MCTP2: variants seen among roughly 807,000 people sequenced by gnomAD.
MCTP2 encodes the protein multiple C2 and transmembrane domain-containing protein 2.
A neutral mutation model predicts 111.6 loss-of-function variants in MCTP2; 132 were observed. The ratio of observed to expected loss-of-function variants is 1.18; its 90% confidence interval spans 1.03 to 1.37. MCTP2 has a LOEUF of 1.37. Among genes scored for constraint, MCTP2 ranks in the 40% most tolerant of loss-of-function variants. The pLI, the probability that MCTP2 is intolerant of heterozygous loss-of-function variation, is 0.00. For missense variants in MCTP2, 1,183 were observed against 1,067.9 expected, an observed-to-expected ratio of 1.11 and a Z score of -1.50; for synonymous variants, 395 against 387.7, an observed-to-expected ratio of 1.02 and a Z score of -0.22.
intron 8 of MCTP2, among the ~76,000 whole-genome samples, chr15:94,349,193 TTCC>T (rs2078162107): frequency 6.6e-6 from 1 of 152,154 alleles, no homozygotes; most frequent in Admixed American, 6.5e-5. Flanking sequence ...TCTAGAGGCT[TTCC>T]TCCTCCCTGG....
At chr15:94,455,741 A>T (rs1334984412) in intron 19 of MCTP2, among the ~76,000 whole-genome samples, 1 of 152,216 alleles carries the variant, frequency 6.6e-6, no homozygotes, top group Non-Finnish European at 1.5e-5. Flanking sequence ...AGTATTATTA[A>T]AAGTATAGTC....
chr15:94,423,552 A>G (rs1460744471), intron 17 of MCTP2, among the ~76,000 whole-genome samples: 1 of 152,250 alleles, frequency 6.6e-6, no homozygotes, highest in Non-Finnish European at 1.5e-5. Flanking sequence ...TTATTTAAAA[A>G]GAAATGTTCC....
intron 1 of MCTP2, among the ~76,000 whole-genome samples, chr15:94,288,762 C>CA (rs1346621592): frequency 6.6e-6 from 1 of 152,092 alleles, no homozygotes; most frequent in Non-Finnish European, 1.5e-5. Context: ...AATGAATAAT[C>CA]ATGAGTCTTG....
intron 1 of MCTP2, among the ~76,000 whole-genome samples, chr15:94,245,456 GTATT>G (rs1421662298): frequency 9.1e-4 from 123 of 135,382 alleles, no homozygotes; most frequent in African/African-American, 3.3e-3. Context: ...ATATGTATAT[GTATT>G]TATATACATA....
intron 17 of MCTP2, among the ~76,000 whole-genome samples, chr15:94,438,652 A>G (rs559890404): frequency 7.3e-4 from 111 of 152,278 alleles, no homozygotes; most frequent in African/African-American, 2.4e-3. Context: ...ACCATTCTTG[A>G]TCTTAAAAAT....
intron 17 of MCTP2, among the ~76,000 whole-genome samples, chr15:94,422,003 T>G (rs180745000): frequency 6.6e-6 from 1 of 152,236 alleles, no homozygotes; most frequent in East Asian, 1.9e-4. Flanking sequence ...AGGCTTAAAT[T>G]TGGGAAAAGG....
At chr15:94,316,336 G>A (rs906118856) in intron 4 of MCTP2, among the ~76,000 whole-genome samples, 2 of 152,084 alleles carry the variant, frequency 1.3e-5, no homozygotes, top group Non-Finnish European at 2.9e-5. Context: ...TATAAATGAT[G>A]CTGTAATGAA....
chr15:94,419,784 T>C (rs1159034289), intron 17 of MCTP2, among the ~76,000 whole-genome samples: 2 of 151,936 alleles, frequency 1.3e-5, no homozygotes, highest in African/African-American at 2.4e-5. Context: ...AATCGAAAAT[T>C]TGTGCAAACC....
chr15:94,355,653 G>C (rs2078580768), intron 8 of MCTP2, among the ~76,000 whole-genome samples: 1 of 152,154 alleles, frequency 6.6e-6, no homozygotes, highest in South Asian at 2.1e-4. Flanking sequence ...ATGGTATAGG[G>C]CTTTTGGTAG....
rs772202306 is a variant in MCTP2 at position 94,385,473 on chromosome 15, A to G, written c.1736A>G (p.Asp579Gly). Residue 579 changes from aspartate (D) to glycine (G), a missense_variant, in exon 14 of 23, where the codon GAT becomes GGT. Physicochemically the swap from Asp to Gly is moderately conservative, Grantham distance 94. Transcript: ENST00000357742. ...TTGGAAGTGACAGTGTTTGATGAAG[A>G]TGGAGATAAACCCCCAGATTTTCTT... ...DVLEVTVFDE[D>G]GDKPPDFLGK... 3 of 1,613,610 alleles carry G rather than the reference A, an allele frequency of 1.9e-6. No individual in the cohort carries two copies. The highest frequency in any genetic ancestry group is 1.7e-6 in the Non-Finnish European group (2 of 1,179,718).
intron 1 of MCTP2, among the ~76,000 whole-genome samples, chr15:94,285,786 GAC>G (rs1476844538): frequency 6.6e-6 from 1 of 152,136 alleles, no homozygotes; most frequent in African/African-American, 2.4e-5. Flanking sequence ...CTTTTCAAAT[GAC>G]TGAGATTTCT....
intron 1 of MCTP2, among the ~76,000 whole-genome samples, chr15:94,244,949 C>A (rs892070187): frequency 6.0e-5 from 7 of 116,456 alleles, no homozygotes; most frequent in African/African-American, 2.0e-4. Flanking sequence ...TACATATGCA[C>A]CTGTTTATAT....
At chr15:94,266,905 G>T (rs2073568565) in intron 1 of MCTP2, among the ~76,000 whole-genome samples, 1 of 152,196 alleles carries the variant, frequency 6.6e-6, no homozygotes, top group Non-Finnish European at 1.5e-5. Flanking sequence ...GAGGGACTTG[G>T]AAGACATTTA....
At chr15:94,413,008 GT>G (rs2152486942) in intron 17 of MCTP2, among the ~76,000 whole-genome samples, 1 of 152,166 alleles carries the variant, frequency 6.6e-6, no homozygotes, top group East Asian at 1.9e-4. Flanking sequence ...TAATCTACAT[GT>G]TTTCAAAAAA....
intron 1 of MCTP2, 37 bp from the exon 2 acceptor site, chr15:94,298,164 G>GT: frequency 1.4e-6 from 1 of 739,190 alleles, no homozygotes; most frequent in Non-Finnish European, 2.0e-6. Context: ...TTTTTTTTTT[G>GT]TTTGTTTGTT....
intron 10 of MCTP2, among the ~76,000 whole-genome samples, chr15:94,360,159 C>T (rs536474545): frequency 6.6e-6 from 1 of 152,340 alleles, no homozygotes; most frequent in African/African-American, 2.4e-5. Context: ...TCACCCTCCA[C>T]ATCTCTGGTT....
At chr15:94,406,684 G>C (rs1316122825) in intron 17 of MCTP2, among the ~76,000 whole-genome samples, 2 of 152,082 alleles carry the variant, frequency 1.3e-5, no homozygotes, top group African/African-American at 4.8e-5. Flanking sequence ...TGGATAATTT[G>C]AAAAACCCTA....
chr15:94,290,759 T>G (rs1047791454), intron 1 of MCTP2, among the ~76,000 whole-genome samples: 2 of 152,220 alleles, frequency 1.3e-5, no homozygotes, highest in East Asian at 3.8e-4. Context: ...AGCATGGCTA[T>G]GTTAAAATCA....
intron 17 of MCTP2, chr15:94,402,451 A>T (rs1409026317): frequency 2.6e-6 from 4 of 1,550,946 alleles, no homozygotes; most frequent in Admixed American, 2.0e-5. Context: ...GCCAGTTGGG[A>T]CATACTGATC....
Sources: allele counts gnomAD v4.1 joint callset (sites outside exome capture counted in the v4.1 genomes callset), GRCh38; gene constraint gnomAD v4.1.1; transcripts MANE v1.5; gene names NCBI Gene and HGNC (gene_info 2026-07-23, HGNC 2026-07-21).